MTAP: variants seen among roughly 807,000 people sequenced by gnomAD.
MTAP encodes methylthioadenosine phosphorylase.
A neutral mutation model predicts 33.6 loss-of-function variants in MTAP; 33 were observed. The observed-to-expected ratio is 0.98, with a 90% confidence interval of 0.74 to 1.31. The LOEUF is 1.31. Ranked by LOEUF, MTAP falls within the 40% of genes most tolerant of loss-of-function variation. The pLI, the probability that MTAP is intolerant of heterozygous loss-of-function variation, is 0.00. For missense variants in MTAP, 367 were observed against 360.0 expected, an observed-to-expected ratio of 1.02 and a Z score of -0.16; for synonymous variants, 148 against 125.7, an observed-to-expected ratio of 1.18 and a Z score of -1.19.
At chr9:21,818,548 G>A (rs557329030) in intron 4 of MTAP, among the ~76,000 whole-genome samples, 3 of 152,182 alleles carry the variant, frequency 2.0e-5, no homozygotes. Flanking sequence ...GGCTGGTCTT[G>A]AATCAGGAGA....
At position 21,837,944 on chromosome 9, in the gene MTAP, T is replaced by G. The variant is rs748932989; in HGVS notation, c.384T>G (p.Ser128Arg). The change falls in exon 5 of 8, where the codon AGT becomes AGG. Residue 128 changes from serine (S) to arginine (R), a missense_variant. By Grantham distance (110) the Ser-to-Arg change is moderately radical. Transcript: ENST00000644715. ...TMRPQSFYDG[S>R]HSCARGVCHI... is the part of the protein sequence containing the mutation. ...GACCTCAGTCCTTCTATGATGGAAGTCATTCTTGTGCCAGAGGAGTGTGCC... is the reference window on the plus strand; with the variant it reads ...GACCTCAGTCCTTCTATGATGGAAGGCATTCTTGTGCCAGAGGAGTGTGCC... 2 of 1,614,158 alleles carry G rather than the reference T, an allele frequency of 1.2e-6. No homozygotes were observed. The highest frequency in any genetic ancestry group is 1.1e-5 in the South Asian group (1 of 91,080).
intron 1 of MTAP, among the ~76,000 whole-genome samples, chr9:21,925,745 G>A (rs1237616166): frequency 7.8e-6 from 1 of 127,684 alleles, no homozygotes; most frequent in East Asian, 2.5e-4. Flanking sequence ...AAGCTGAAAA[G>A]GCCCGCCACT....
intron 1 of MTAP, among the ~76,000 whole-genome samples, chr9:21,901,222 A>G (rs1249620957): frequency 6.6e-6 from 1 of 152,230 alleles, no homozygotes; most frequent in African/African-American, 2.4e-5. Context: ...GATACTAAAG[A>G]CAACCTAAAT....
chr9:21,912,855 A>G (rs893526564), intron 1 of MTAP, among the ~76,000 whole-genome samples: 6 of 152,220 alleles, frequency 3.9e-5, no homozygotes, highest in Admixed American at 3.3e-4. Flanking sequence ...CCCTGTTTGC[A>G]GATAACCTGA....
intron 1 of MTAP, among the ~76,000 whole-genome samples, chr9:21,899,050 G>T (rs1289215113): frequency 2.0e-5 from 3 of 151,998 alleles, no homozygotes; most frequent in African/African-American, 7.3e-5. Context: ...ATACTATGCA[G>T]CCATAAAAAA....
At chr9:21,841,552 C>T (rs906309437) in intron 5 of MTAP, among the ~76,000 whole-genome samples, 1 of 152,164 alleles carries the variant, frequency 6.6e-6, no homozygotes, top group African/African-American at 2.4e-5. Context: ...TCTACCAGAG[C>T]AGGTGCTAGT....
At chr9:21,816,632 G>A in intron 2 of MTAP, 82 bp from the exon 3 acceptor site, 1 of 1,198,202 alleles carries the variant, frequency 8.3e-7, no homozygotes, top group Non-Finnish European at 1.2e-6. Flanking sequence ...GATTCCATGA[G>A]TCCTGTTGTG....
At chr9:21,836,901 T>G (rs1052357811) in intron 4 of MTAP, among the ~76,000 whole-genome samples, 1 of 152,168 alleles carries the variant, frequency 6.6e-6, no homozygotes, top group African/African-American at 2.4e-5. Context: ...ACGGAACCAG[T>G]GAAACTATTT....
chr9:21,802,939 C>G (rs1824092858), intron 1 of MTAP, 158 bp downstream of exon 1: 3 of 1,414,274 alleles, frequency 2.1e-6, no homozygotes, highest in Non-Finnish European at 1.8e-6. Context: ...TCACTTGCCG[C>G]GCGAGGAGAG....
chr9:21,912,965 C>T (rs1328301246), intron 1 of MTAP, among the ~76,000 whole-genome samples: 1 of 152,156 alleles, frequency 6.6e-6, no homozygotes, highest in Non-Finnish European at 1.5e-5. Context: ...GTACAAAAAT[C>T]ACAAGCATTC....
At chr9:21,804,666 C>T (rs1261091121) in intron 1 of MTAP, among the ~76,000 whole-genome samples, 1 of 151,968 alleles carries the variant, frequency 6.6e-6, no homozygotes, top group African/African-American at 2.4e-5. Context: ...TGCCAGTGTC[C>T]AGAGCAAAAT....
Position 21,859,341 on chromosome 9 carries a change from C to T in MTAP, c.729C>T (p.Asn243=), listed in dbSNP as rs778306013. The change falls in exon 7 of 8, where the codon AAC becomes AAT. Residue 243 remains asparagine (N), a synonymous_variant. Coordinates refer to ENST00000644715, the MANE Select transcript of MTAP (RefSeq NM_002451.4). ...GGGTCTTAAAGACCCTGAAAGAAAACGCTAATAAAGCCAAAAGCTTACTGC... is the reference window on the plus strand; with the variant it reads ...GGGTCTTAAAGACCCTGAAAGAAAATGCTAATAAAGCCAAAAGCTTACTGC... The part of the protein sequence containing the change: ...VDRVLKTLKE[N]ANKAKSLLLT... The T allele has an allele frequency of 1.7e-5, 27 of 1,613,354 alleles. No individual in the cohort carries two copies. Among genetic ancestry groups the T allele is most frequent in the Middle Eastern group, 1.6e-4 (1 of 6,080 alleles).
intron 5 of MTAP, among the ~76,000 whole-genome samples, chr9:21,853,319 AT>A (rs1563847464): frequency 3.9e-5 from 6 of 152,042 alleles, no homozygotes. Context: ...TGGGGTAGAG[AT>A]TTAGGCTTTT....
chr9:21,833,749 C>T (rs1314280808), intron 4 of MTAP, among the ~76,000 whole-genome samples: 1 of 152,188 alleles, frequency 6.6e-6, no homozygotes, highest in Non-Finnish European at 1.5e-5. Context: ...ATTGTGTTTG[C>T]TTCTGCCAGG....
chr9:21,889,802 G>T (rs1460887942), intron 1 of MTAP, among the ~76,000 whole-genome samples: 1 of 152,204 alleles, frequency 6.6e-6, no homozygotes, highest in Non-Finnish European at 1.5e-5. Context: ...GGTAGCAGGG[G>T]AGTGAAGTGG....
intron 4 of MTAP, among the ~76,000 whole-genome samples, chr9:21,836,187 A>T (rs942827220): frequency 2.0e-5 from 3 of 152,112 alleles, no homozygotes; most frequent in African/African-American, 7.2e-5. Context: ...ATGTTTTATG[A>T]TTGGAAAATG....
intron 5 of MTAP, among the ~76,000 whole-genome samples, chr9:21,848,147 C>CT (rs1411650291): frequency 1.3e-5 from 2 of 152,146 alleles, no homozygotes; most frequent in Non-Finnish European, 2.9e-5. Flanking sequence ...ATGGCCTCCC[C>CT]TGAGGCAGTT....
intron 5 of MTAP, among the ~76,000 whole-genome samples, chr9:21,850,168 C>T (rs1825478212): frequency 1.3e-5 from 2 of 152,206 alleles, no homozygotes; most frequent in South Asian, 4.1e-4. Context: ...ATTGGTGAGG[C>T]ATTTGCATGC....
chr9:21,883,882 G>C (rs886211210), intron 1 of MTAP, among the ~76,000 whole-genome samples: 6 of 152,068 alleles, frequency 3.9e-5, no homozygotes, highest in Admixed American at 2.6e-4. Flanking sequence ...GGAAGTGGCA[G>C]CTCTGTGTTG....
Sources: gnomAD v4.1 joint callset for allele counts (sites outside exome capture counted in the v4.1 genomes callset) on GRCh38, gnomAD v4.1.1 for gene constraint, MANE v1.5 for transcripts, NCBI Gene and HGNC (gene_info 2026-07-23, HGNC 2026-07-21) for gene names.